XPO5: variants seen among roughly 807,000 people sequenced by gnomAD.
The protein encoded by XPO5 is exportin 5.
In XPO5, 46 loss-of-function variants were observed where a neutral mutation model predicts 160.6. The ratio of observed to expected loss-of-function variants is 0.29; its 90% confidence interval spans 0.23 to 0.37. The LOEUF (loss-of-function observed/expected upper bound fraction) is 0.37. XPO5 is among the 10% of genes least tolerant of loss of function. XPO5 has a pLI of 1.00. For missense variants in XPO5, 1,090 were observed against 1,463.9 expected, an observed-to-expected ratio of 0.74 and a Z score of 4.17; for synonymous variants, 537 against 519.3, an observed-to-expected ratio of 1.03 and a Z score of -0.46.
chr6:43,552,299 C>T (rs1490796873), intron 14 of XPO5, among the ~76,000 whole-genome samples: 1 of 152,092 alleles, frequency 6.6e-6, no homozygotes, highest in Admixed American at 6.6e-5. Context: ...CTCAGGTGAT[C>T]CACCCACCTT....
At chr6:43,573,821 ATATTTT>A (rs1290306953) in intron 1 of XPO5, among the ~76,000 whole-genome samples, 35 of 122,692 alleles carry the variant, frequency 2.9e-4, no homozygotes, top group African/African-American at 1.2e-3. Flanking sequence ...ATATATATAT[ATATTTT>A]TTTTTTTTTT....
chr6:43,542,856 T>A (rs1794773165), intron 20 of XPO5, among the ~76,000 whole-genome samples: 1 of 152,244 alleles, frequency 6.6e-6, no homozygotes, highest in African/African-American at 2.4e-5. Flanking sequence ...CTAGGAATTC[T>A]ACTCCTATGT....
At chr6:43,525,280 A>G in intron 28 of XPO5, 66 bp from the exon 29 acceptor site, 1 of 1,425,836 alleles carries the variant, frequency 7.0e-7, no homozygotes, top group Non-Finnish European at 9.5e-7. Context: ...TGATTATTAC[A>G]CATCAGGAGC....
At chr6:43,560,406 G>A in intron 10 of XPO5, 103 bp from the exon 11 acceptor site, 1 of 1,369,596 alleles carries the variant, frequency 7.3e-7, no homozygotes, top group Admixed American at 2.7e-5. Flanking sequence ...AAATAAATCT[G>A]TACAATACTT....
intron 21 of XPO5, among the ~76,000 whole-genome samples, chr6:43,532,515 C>G (rs924488834): frequency 6.6e-6 from 1 of 152,248 alleles, no homozygotes; most frequent in East Asian, 1.9e-4. Flanking sequence ...CATTCCCAGA[C>G]TAGCTCCCTG....
At chr6:43,568,292 G>A (rs928875393) in intron 6 of XPO5, among the ~76,000 whole-genome samples, 1 of 151,230 alleles carries the variant, frequency 6.6e-6, no homozygotes, top group Admixed American at 6.6e-5. Flanking sequence ...GGGCAAGTGA[G>A]CGAGACTCCG....
At chr6:43,541,781 C>CT (rs1554134075) in intron 20 of XPO5, among the ~76,000 whole-genome samples, 1 of 152,150 alleles carries the variant, frequency 6.6e-6, no homozygotes, top group Non-Finnish European at 1.5e-5. Flanking sequence ...TCCAATACTT[C>CT]TTTTTTTCTT....
intron 20 of XPO5, chr6:43,539,594 C>A (rs977991588): frequency 5.8e-6 from 8 of 1,375,380 alleles, no homozygotes; most frequent in Non-Finnish European, 8.1e-6. Flanking sequence ...ACGGCTGCGA[C>A]CCCGGCCCCG....
chr6:43,564,424 G>A (rs190438713), intron 8 of XPO5, among the ~76,000 whole-genome samples: 9 of 152,108 alleles, frequency 5.9e-5, no homozygotes, highest in African/African-American at 1.7e-4. Flanking sequence ...AGCTTCCTGG[G>A]AGGGTGAGGC....
intron 26 of XPO5, 48 bp from the exon 27 acceptor site, chr6:43,526,795 C>T: frequency 1.3e-6 from 2 of 1,584,720 alleles, no homozygotes; most frequent in Non-Finnish European, 1.7e-6. Context: ...GTATATACTA[C>T]CACAACAGCC....
At chr6:43,572,356 T>A in intron 3 of XPO5, 150 bp downstream of exon 3, 2 of 719,680 alleles carry the variant, frequency 2.8e-6, no homozygotes, top group South Asian at 3.6e-5. Context: ...GAATTACAGG[T>A]GTGAGTCACT....
At chr6:43,575,621 G>A (rs181274469) in intron 1 of XPO5, 139 bp downstream of exon 1, 7 of 696,818 alleles carry the variant, frequency 1.0e-5, no homozygotes, top group African/African-American at 3.7e-5. Flanking sequence ...AGGGCCGCGA[G>A]GGGAAGGTCC....
In XPO5 at chr6:43,524,039, G is replaced by C. The variant is rs746980628; in HGVS notation, c.3478-34C>G. The C allele has an allele frequency of 4.4e-6, 7 of 1,602,770 alleles. No individual in the cohort carries two copies. The Admixed American group carries it at 1.2e-4, about 27-fold the overall frequency. ...AACAAATGAGAAAGAATTAATGCTG[G>C]GCCCTCAGTAGTAGTTAAAAGATTC... is the stretch of plus-strand genomic sequence containing the variant. On this transcript the variant is annotated intron_variant, in intron 31 of 31. Transcript: ENST00000265351.
chr6:43,534,642 C>T (rs996358963), intron 20 of XPO5, among the ~76,000 whole-genome samples: 3 of 152,142 alleles, frequency 2.0e-5, no homozygotes, highest in Non-Finnish European at 4.4e-5. Context: ...GTTTAAGATG[C>T]AAACTGAAAA....
At chr6:43,563,908 C>G (rs1005522874) in intron 8 of XPO5, among the ~76,000 whole-genome samples, 2 of 151,972 alleles carry the variant, frequency 1.3e-5, no homozygotes, top group African/African-American at 4.8e-5. Context: ...AATTCTGTAC[C>G]CTTAGGCTAA....
Position 43,523,983 on chromosome 6 carries a change from C to T in XPO5, c.3500G>A (p.Arg1167Gln), listed in dbSNP as rs983939759. 4.3e-6 allele frequency: 7 copies of T among 1,613,542 alleles called. No individual in the cohort carries two copies. The highest frequency in any genetic ancestry group is 1.1e-5 in the South Asian group (1 of 91,090). Residue 1167 changes from arginine to glutamine, a missense_variant, in exon 32 of 32, where the codon CGA (arginine) becomes CAA (glutamine). Transcript: ENST00000265351. ...CIGKPLGEQF[R>Q]KEVHIKNLPS... ...AAGATTCTTAATGTGAACTTCTTTT[C>T]GGAACTGCTCTCCCAAGGGTTTCTG...
intron 14 of XPO5, among the ~76,000 whole-genome samples, chr6:43,552,065 A>G (rs1337900970): frequency 6.6e-6 from 1 of 152,168 alleles, no homozygotes; most frequent in Admixed American, 6.5e-5. Context: ...AATGTTTTTC[A>G]TATTTATCAG....
chr6:43,569,190 G>A (rs1250117683), intron 5 of XPO5, among the ~76,000 whole-genome samples: 1 of 151,838 alleles, frequency 6.6e-6, no homozygotes, highest in Non-Finnish European at 1.5e-5. Flanking sequence ...TACTTGGGAA[G>A]CTGAGGCAGA....
chr6:43,535,216 C>T (rs1000468892), intron 20 of XPO5, among the ~76,000 whole-genome samples: 7 of 143,400 alleles, frequency 4.9e-5, no homozygotes, highest in African/African-American at 7.8e-5. Flanking sequence ...GCCAAGACTG[C>T]GCCACTGCAC....
Sources: gnomAD v4.1 joint callset for allele counts (sites outside exome capture counted in the v4.1 genomes callset) on GRCh38, gnomAD v4.1.1 for gene constraint, MANE v1.5 for transcripts, NCBI Gene and HGNC (gene_info 2026-07-23, HGNC 2026-07-21) for gene names.